PHC2: variants seen among roughly 807,000 people sequenced by gnomAD.
The protein encoded by PHC2 is polyhomeotic-like protein 2.
In PHC2, 29 loss-of-function variants were observed where a neutral mutation model predicts 87.4. That is an observed-to-expected ratio of 0.33 (90% CI 0.25 to 0.45). The LOEUF is 0.45. PHC2 is among the 20% of genes least tolerant of loss of function. The pLI is 1.00. For missense variants in PHC2, 857 were observed against 1,136.7 expected (o/e 0.75, Z 3.54); for synonymous variants, 438 against 461.7 (o/e 0.95, Z 0.66).
chr1:33,410,312 A>G (rs531236531), intron 1 of PHC2, among the ~76,000 whole-genome samples: 1 of 152,002 alleles, frequency 6.6e-6, no homozygotes, highest in Non-Finnish European at 1.5e-5. Flanking sequence ...TTTGTGAATG[A>G]CTCTCTCAGG....
At chr1:33,372,503 C>A in intron 2 of PHC2, 56 bp from the exon 3 acceptor site, 1 of 1,428,286 alleles carries the variant, frequency 7.0e-7, no homozygotes, top group Non-Finnish European at 9.3e-7. Context: ...CAGAACACCC[C>A]TTTGGCAGTA....
At chr1:33,360,970 G>A (rs1325977867) in intron 7 of PHC2, among the ~76,000 whole-genome samples, 2 of 152,222 alleles carry the variant, frequency 1.3e-5, no homozygotes, top group African/African-American at 4.8e-5. Flanking sequence ...AAGGACGAGC[G>A]AGTACCGCAA....
In PHC2 at chr1:33,430,154, CT is replaced by C. The variant is rs1330959062; in HGVS notation, c.-55+821del. On this transcript the variant is annotated intron_variant, in intron 1 of 14. Coordinates refer to ENST00000683057, the MANE Select transcript of PHC2 (RefSeq NM_001385109.1). The stretch of plus-strand genomic sequence containing the variant: ...GGGGGAAGATGAATTTAAACCTCGC[CT>C]TATAAGAAATTTGTTAGACACTCAC... 4.6e-5 allele frequency among the ~76,000 whole-genome samples: 7 copies of C among 152,264 alleles called. No individual in the cohort carries two copies. The East Asian group carries it at 1.4e-3, about 29-fold the overall frequency.
intron 7 of PHC2, among the ~76,000 whole-genome samples, chr1:33,360,256 T>A: frequency 6.6e-6 from 1 of 152,258 alleles, no homozygotes; most frequent in East Asian, 1.9e-4. Context: ...TTCTTAGGCC[T>A]GTTCTGCAGC....
rs113353419 is a variant in PHC2 at position 33,393,886 on chromosome 1, C to T, written c.-54-18293G>A. ...TTGTAAGACAAGAGGTAATTATACTCGAATCATTAAAGGAAGTGGTGACAG... is the reference window on the plus strand; with the variant it reads ...TTGTAAGACAAGAGGTAATTATACTTGAATCATTAAAGGAAGTGGTGACAG... On this transcript the variant is annotated intron_variant, in intron 1 of 14. Transcript: ENST00000683057. Among the ~76,000 whole-genome samples, 823 of 152,224 alleles carry T rather than the reference C, an allele frequency of 5.4e-3. 12 individuals are homozygous for T. Among genetic ancestry groups the T allele is most frequent in the African/African-American group, 0.019 (786 of 41,528 alleles).
chr1:33,326,692 G>A (rs1292427739), intron 14 of PHC2, among the ~76,000 whole-genome samples: 4 of 152,204 alleles, frequency 2.6e-5, no homozygotes, highest in South Asian at 2.1e-4. Flanking sequence ...AGTGGCTCAC[G>A]CCTATAATCC....
intron 9 of PHC2, among the ~76,000 whole-genome samples, chr1:33,338,989 G>A (rs929190616): frequency 6.6e-6 from 1 of 152,188 alleles, no homozygotes; most frequent in Non-Finnish European, 1.5e-5. Flanking sequence ...CCTAACATAT[G>A]TCTCAACTTC....
chr1:33,429,564 G>T (rs1415799098), intron 1 of PHC2, among the ~76,000 whole-genome samples: 1 of 152,194 alleles, frequency 6.6e-6, no homozygotes, highest in Non-Finnish European at 1.5e-5. Flanking sequence ...ACAGCTAATT[G>T]TTCCCTCCTC....
chr1:33,349,239 G>T lies in PHC2; in HGVS notation c.1558+5162C>A. 1.0e-6 allele frequency: 1 copy of T among 985,480 alleles called. No individual in the cohort carries two copies. Among genetic ancestry groups the T allele is most frequent in the Non-Finnish European group, 1.2e-6 (1 of 829,966 alleles). 61.0% of individuals were successfully genotyped at this position (985,480 alleles called of 1,614,324 possible). A position where few individuals can be genotyped will look rare whatever the true frequency, so the allele number is the denominator to read the frequency against. ...CCACCACCAATAAAGTACGGCAGAT[G>T]CCAGCAGTCTCGTCCCCGAACGCAC... On this transcript the variant is annotated intron_variant, in intron 9 of 14. Coordinates refer to ENST00000683057, the MANE Select transcript of PHC2 (RefSeq NM_001385109.1). This position sits in a 1 kb window ranked among gnomAD's most constrained non-coding sequence, Gnocchi z 4.2.
chr1:33,419,128 A>C (rs1650325613), intron 1 of PHC2, among the ~76,000 whole-genome samples: 1 of 152,254 alleles, frequency 6.6e-6, no homozygotes, highest in Non-Finnish European at 1.5e-5. Context: ...AATACATTTC[A>C]AATGCTTACA....
intron 9 of PHC2, chr1:33,353,241 T>TG (rs1198706253): frequency 1.3e-5 from 2 of 152,134 alleles, no homozygotes; most frequent in East Asian, 1.9e-4. Context: ...TCTTTTTTAA[T>TG]GGGGGGAGAG....
In PHC2 at chr1:33,324,741, T is replaced by C; in HGVS notation, c.*124A>G. On this transcript the variant is annotated 3_prime_UTR_variant, in exon 15 of 15. Transcript: ENST00000683057. ...GAGGTGCCCAGACCTCCTCACCAGCTATGCCCCTAGGGAGAGCCCCTGCCC... is the reference window on the plus strand; with the variant it reads ...GAGGTGCCCAGACCTCCTCACCAGCCATGCCCCTAGGGAGAGCCCCTGCCC... 9.7e-7 allele frequency: 1 copy of C among 1,036,206 alleles called. No homozygotes were observed. The highest frequency in any genetic ancestry group is 1.4e-6 in the Non-Finnish European group (1 of 738,270). 64.2% of individuals were successfully genotyped at this position (1,036,206 alleles called of 1,614,324 possible). A position where few individuals can be genotyped will look rare whatever the true frequency, so the allele number is the denominator to read the frequency against.
chr1:33,344,631 C>A lies in PHC2; in HGVS notation c.1558+9770G>T, dbSNP rs988244209. Reference sequence around the variant, plus strand: ...TTATTTTTTATTTTTTGAGATGAGGCCTCGCTCTGTCACCCAGGCTGGAGT... The same window carrying A: ...TTATTTTTTATTTTTTGAGATGAGGACTCGCTCTGTCACCCAGGCTGGAGT... On this transcript the variant is annotated intron_variant, in intron 9 of 14. Coordinates refer to ENST00000683057, the MANE Select transcript of PHC2 (RefSeq NM_001385109.1). Among the ~76,000 whole-genome samples the A allele has an allele frequency of 2.6e-5, 4 of 152,064 alleles. No homozygotes were observed. The South Asian group carries it at 8.3e-4, about 32-fold the overall frequency.
In PHC2 at chr1:33,329,142, G is replaced by A; in HGVS notation, c.2153C>T (p.Thr718Ile). The change falls in exon 14 of 15, where the codon ACA (threonine) becomes ATA (isoleucine). Residue 718 changes from threonine to isoleucine, a missense_variant. By Grantham distance (89) the Thr-to-Ile change is moderately conservative. This residue lies in a region of PHC2 where 832 missense variants were observed against 1,081.8 expected (regional missense o/e 0.77). Transcript: ENST00000683057. ...PLTKDTKKQP[T>I]GTVPLSVTAA... ...AGTAACCGAAAGGGGCACAGTGCCT[G>A]TTGGCTGGGAGCAGAGAGTTTTCTT... The A allele has an allele frequency of 1.9e-6, 3 of 1,611,082 alleles. No individual in the cohort carries two copies. Among genetic ancestry groups the A allele is most frequent in the Middle Eastern group, 1.7e-4 (1 of 5,966 alleles).
At chr1:33,420,692 CT>C (rs1273134627) in intron 1 of PHC2, among the ~76,000 whole-genome samples, 3 of 152,200 alleles carry the variant, frequency 2.0e-5, no homozygotes, top group African/African-American at 7.2e-5. Flanking sequence ...TCACTGCAAC[CT>C]TGACCTCTTG....
intron 7 of PHC2, among the ~76,000 whole-genome samples, chr1:33,357,774 T>C (rs568347303): frequency 8.5e-5 from 13 of 152,350 alleles, no homozygotes; most frequent in African/African-American, 3.1e-4. Flanking sequence ...CACACAGGAC[T>C]TTGTTAGGCC....
At chr1:33,337,532 T>G (rs1646665531) in intron 9 of PHC2, among the ~76,000 whole-genome samples, 1 of 152,196 alleles carries the variant, frequency 6.6e-6, no homozygotes, top group Non-Finnish European at 1.5e-5. Flanking sequence ...TGTCCCTCTC[T>G]AAGCCTCAGC....
intron 1 of PHC2, among the ~76,000 whole-genome samples, chr1:33,384,371 A>G (rs113391644): frequency 3.3e-5 from 5 of 152,226 alleles, no homozygotes; most frequent in African/African-American, 4.8e-5. Context: ...GGCAGTCATC[A>G]TTGATGCCAT....
At chr1:33,419,302 T>C (rs60166288) in intron 1 of PHC2, among the ~76,000 whole-genome samples, 10,776 of 152,254 alleles carry the variant, frequency 0.071, 695 homozygotes, top group East Asian at 0.18. Flanking sequence ...CCCTTGTTGC[T>C]GCCATAAAAA....
Sources: gnomAD v4.1 joint callset for allele counts (sites outside exome capture counted in the v4.1 genomes callset) on GRCh38, gnomAD v4.1.1 for gene constraint, gnomAD v4.1.1 regional missense constraint, Gnocchi (gnomAD v3.1) non-coding constraint, MANE v1.5 for transcripts, NCBI Gene and HGNC (gene_info 2026-07-23, HGNC 2026-07-21) for gene names.